Variants in TMEM184A observed in about 807,000 individuals in gnomAD.
TMEM184A encodes the protein transmembrane protein 184A, also known as sexually dimorphic, expressed in male gonads 1.
In TMEM184A, 40 loss-of-function variants were observed where a neutral mutation model predicts 39.5. The ratio of observed to expected loss-of-function variants is 1.01; its 90% confidence interval spans 0.79 to 1.32. The LOEUF (loss-of-function observed/expected upper bound fraction) is 1.32, where lower values mean the gene tolerates loss of function less well. Among genes scored for constraint, TMEM184A ranks in the 40% most tolerant of loss-of-function variants. The pLI, the probability that TMEM184A is intolerant of heterozygous loss-of-function variation, is 0.00. For missense variants in TMEM184A, 603 were observed against 568.8 expected (o/e 1.06, Z -0.61); for synonymous variants, 280 against 252.3 (o/e 1.11, Z -1.04).
chr7:1,550,125 G>A lies in TMEM184A; in HGVS notation c.550C>T (p.Gln184Ter). 6.2e-7 allele frequency: 1 copy of A among 1,602,284 alleles called. No individual in the cohort carries two copies. Among genetic ancestry groups the A allele is most frequent in the Non-Finnish European group, 8.5e-7 (1 of 1,175,446 alleles). Residue 184 changes from glutamine to a stop codon, truncating the protein, a stop_gained and splice_region_variant, in exon 5 of 9, where the codon CAG becomes TAG. Coordinates refer to ENST00000297477, the MANE Select transcript of TMEM184A (RefSeq NM_001097620.2). LOFTEE classifies it high-confidence loss of function. ...YSIGFLRFCKQATLQFCLVKP... is the reference protein window; with the variant it reads ...YSIGFLRFCK ...GGCAGGGCTGGGTGGCCCCTCACCTGCTTACAGAAGCGCAGGAACCCGATG... is the reference window on the plus strand; with the variant it reads ...GGCAGGGCTGGGTGGCCCCTCACCTACTTACAGAAGCGCAGGAACCCGATG...
chr7:1,549,200 C>T (rs1021164721), intron 6 of TMEM184A: 19 of 456,266 alleles, frequency 4.2e-5, no homozygotes, highest in African/African-American at 1.8e-4. Context: ...GCACGGTTTG[C>T]GCATGTGCTG....
In TMEM184A at chr7:1,555,197, G is replaced by C; in HGVS notation, c.219+69C>G. On this transcript the variant is annotated intron_variant, in intron 2 of 8. Transcript: ENST00000297477. This position sits in a 1 kb window ranked among gnomAD's most constrained non-coding sequence, Gnocchi z 5.2. ...TATAGCAGCGGCACCCAGGGGGACC[G>C]GGCTGAGCCACGGCCACGTCCTGTG... The C allele has an allele frequency of 7.4e-7, 1 of 1,346,104 alleles. No homozygotes were observed. Among genetic ancestry groups the C allele is most frequent in the South Asian group, 1.4e-5 (1 of 70,538 alleles). The allele number at this position is 1,346,104 out of a possible 1,614,324, so 83.4% of individuals were successfully genotyped here. A position where few individuals can be genotyped will look rare whatever the true frequency, so the allele number is the denominator to read the frequency against.
intron 5 of TMEM184A, 63 bp from the exon 6 acceptor site, chr7:1,550,008 T>G: frequency 6.6e-7 from 1 of 1,506,226 alleles, no homozygotes; most frequent in Middle Eastern, 1.8e-4. Context: ...GAATGGGGAT[T>G]GGGGCAGCCA....
In TMEM184A at chr7:1,547,135, T is replaced by G; in HGVS notation, c.1059A>C (p.Thr353=). The change falls in exon 9 of 9, where the codon ACA becomes ACC. Residue 353 remains threonine (T), a synonymous_variant. Transcript: ENST00000297477. Reference sequence around the variant, plus strand: ...CCTGCACGATGTCCTGGGGGCTCACTGTCTCCCTGATGCCGCTGGAGATGC... The same window carrying G: ...CCTGCACGATGTCCTGGGGGCTCACGGTCTCCCTGATGCCGCTGGAGATGC... ...MQSISSGIRE[T]VSPQDIVQDA... 1 of 1,609,052 alleles carries G rather than the reference T, an allele frequency of 6.2e-7. No homozygotes were observed. Among genetic ancestry groups the G allele is most frequent in the Non-Finnish European group, 8.5e-7 (1 of 1,179,454 alleles).
Position 1,548,550 on chromosome 7 carries a change from G to T in TMEM184A, c.783C>A (p.Ile261=). The T allele has an allele frequency of 6.2e-7, 1 of 1,613,690 alleles. No homozygotes were observed. The highest frequency in any genetic ancestry group is 8.5e-7 in the Non-Finnish European group (1 of 1,179,936). ...PFQPVLKFLT[I]KAVIFLSFWQ... The stretch of plus-strand genomic sequence containing the variant: ...AGAACGACAGGAAGATGACGGCTTT[G>T]ATGGTGAGGAACTTGAGGACGGGCT... The change falls in exon 7 of 9, where the codon ATC becomes ATA. Residue 261 remains isoleucine (I), a synonymous_variant. Coordinates refer to ENST00000297477, the MANE Select transcript of TMEM184A (RefSeq NM_001097620.2).
In TMEM184A at chr7:1,546,864, T is replaced by C; in HGVS notation, c.*88A>G. 1.1e-6 allele frequency: 1 copy of C among 897,732 alleles called. No homozygotes were observed. 55.6% of individuals were successfully genotyped at this position (897,732 alleles called of 1,614,324 possible). ...GGGCTCTCAGGAGAGGCCCCACCTT[T>C]GGCAGGAGTTGGTGGGTGGGGGGAC... On this transcript the variant is annotated 3_prime_UTR_variant, in exon 9 of 9. Transcript: ENST00000297477.
chr7:1,544,005 G>A lies in TMEM184A; in HGVS notation c.*2947C>T, dbSNP rs1454952538. On this transcript the variant is annotated 3_prime_UTR_variant, in exon 9 of 9. Coordinates refer to ENST00000297477, the MANE Select transcript of TMEM184A (RefSeq NM_001097620.2). ...TTCCCAGCCTTGCTTCCTGTGAGTT[G>A]GGTGTGGAGGTGAGTGTGCAACAGC... is the stretch of plus-strand genomic sequence containing the variant. The A allele has an allele frequency of 1.3e-5, 2 of 152,332 alleles. No homozygotes were observed. The highest frequency in any genetic ancestry group is 1.5e-5 in the Non-Finnish European group (1 of 68,098). 9.4% of individuals were successfully genotyped at this position (152,332 alleles called of 1,614,324 possible).
In TMEM184A at chr7:1,550,053, C is replaced by T. The variant is rs1253651256; in HGVS notation, c.552+70G>A. ...AGCCCCCTGACACTGGGTGGGGTGG[C>T]GCTGGGCCGGCTAGGGCCCCTGACG... On this transcript the variant is annotated intron_variant, in intron 5 of 8. Coordinates refer to ENST00000297477, the MANE Select transcript of TMEM184A (RefSeq NM_001097620.2). The T allele has an allele frequency of 7.0e-5, 96 of 1,367,824 alleles. 2 individuals carry two copies. In the East Asian group the frequency reaches 1.1e-3, roughly 16 times the overall value. The allele number at this position is 1,367,824 out of a possible 1,614,324, so 84.7% of individuals were successfully genotyped here. A position where few individuals can be genotyped will look rare whatever the true frequency, so the allele number is the denominator to read the frequency against.
In TMEM184A at chr7:1,546,959, T is replaced by C. The variant is rs1217845976; in HGVS notation, c.1235A>G (p.Asp412Gly). The change falls in exon 9 of 9, where the codon GAC becomes GGC. Residue 412 changes from aspartate (D) to glycine (G), a missense_variant. Physicochemically the swap from Asp to Gly is moderately conservative, Grantham distance 94. Transcript: ENST00000297477. ...CTGGCAGCCCAGGCCCCCCTACAGG[T>C]CCTCCGAGGGGATCAGCATCCGCTT... Reference protein sequence around the residue: ...LEKRMLIPSEDL With the variant: ...LEKRMLIPSEGL The C allele has an allele frequency of 3.8e-6, 6 of 1,571,030 alleles. No homozygotes were observed. In the African/African-American group the frequency reaches 8.1e-5, roughly 21 times the overall value.
chr7:1,555,638 A>G lies in TMEM184A; in HGVS notation c.1-154T>C. 2 of 683,776 alleles carry G rather than the reference A, an allele frequency of 2.9e-6. No homozygotes were observed. The highest frequency in any genetic ancestry group is 5.2e-6 in the Non-Finnish European group (2 of 384,606). The allele number at this position is 683,776 out of a possible 1,614,324, so 42.4% of individuals were successfully genotyped here. A position where few individuals can be genotyped will look rare whatever the true frequency, so the allele number is the denominator to read the frequency against. On this transcript the variant is annotated intron_variant, in intron 1 of 8. Transcript: ENST00000297477. This position sits in a 1 kb window ranked among gnomAD's most constrained non-coding sequence, Gnocchi z 5.2. ...CACCCCCCACACGGACACCAGCGCC[A>G]GGCCCGGCTCCCTCCCTGCTCCGAG... is the stretch of plus-strand genomic sequence containing the variant.
rs1167868218 is a variant in TMEM184A at position 1,547,794 on chromosome 7, C to T, written c.960G>A (p.Leu320=). Residue 320 remains leucine (L), a synonymous_variant, in exon 8 of 9, where the codon CTG becomes CTA. Transcript: ENST00000297477. ...CVEMLFASVA[L]RYAFPCQVYA... is the part of the protein sequence containing the mutation. Reference sequence around the variant, plus strand: ...ACACCTGGCAGGGGAAGGCATAACGCAGGGCCACGGAGGCGAACAGCATCT... The same window carrying T: ...ACACCTGGCAGGGGAAGGCATAACGTAGGGCCACGGAGGCGAACAGCATCT... The T allele has an allele frequency of 1.2e-6, 2 of 1,612,922 alleles. No homozygotes were observed. The highest frequency in any genetic ancestry group is 2.7e-5 in the African/African-American group (2 of 74,930).
chr7:1,548,680 C>A lies in TMEM184A; in HGVS notation c.653G>T (p.Ser218Ile). ...KYHDGDFNVR[S>I]GYLYVTLIYN... ...GATGAGGGTCACATAGAGGTAGCCG[C>A]TGCGGACACTAGGACAGACGGGGGC... is the stretch of plus-strand genomic sequence containing the variant. Residue 218 changes from serine (S) to isoleucine (I), a missense_variant, in exon 7 of 9, where the codon AGC (serine) becomes ATC (isoleucine). Transcript: ENST00000297477. The A allele has an allele frequency of 6.2e-7, 1 of 1,613,538 alleles. No homozygotes were observed. The highest frequency in any genetic ancestry group is 8.5e-7 in the Non-Finnish European group (1 of 1,179,912).
rs1784290457 is a variant in TMEM184A, at chr7:1,544,745, C to T, written c.*2207G>A. On this transcript the variant is annotated 3_prime_UTR_variant, in exon 9 of 9. Coordinates refer to ENST00000297477, the MANE Select transcript of TMEM184A (RefSeq NM_001097620.2). ...AGGAGGCAGGGAGGAGAGAGGGCCT[C>T]TGTGGAGCCGGCTGCCTGGTGTCCA... The T allele has an allele frequency of 6.6e-6, 1 of 152,278 alleles. No individual in the cohort carries two copies. Among genetic ancestry groups the T allele is most frequent in the African/African-American group, 2.4e-5 (1 of 41,454 alleles). 9.4% of individuals were successfully genotyped at this position (152,278 alleles called of 1,614,324 possible). A position where few individuals can be genotyped will look rare whatever the true frequency, so the allele number is the denominator to read the frequency against.
At position 1,547,072 on chromosome 7, in the gene TMEM184A, G is replaced by A. The variant is rs1173209003; in HGVS notation, c.1122C>T (p.Tyr374=). ...GCGCCTCGTGCGTGGCCTGCTGCGT[G>A]TAGTGCTGGTAGGCGGGGGAGAAGT... is the stretch of plus-strand genomic sequence containing the variant. The part of the protein sequence containing the change: ...IHNFSPAYQH[Y]TQQATHEAPR... The change falls in exon 9 of 9, where the codon TAC becomes TAT. Residue 374 remains tyrosine (Y), a synonymous_variant. Coordinates refer to ENST00000297477, the MANE Select transcript of TMEM184A (RefSeq NM_001097620.2). 6.2e-7 allele frequency: 1 copy of A among 1,610,088 alleles called. No individual in the cohort carries two copies. Among genetic ancestry groups the A allele is most frequent in the South Asian group, 1.1e-5 (1 of 91,042 alleles).
chr7:1,546,624 C>A lies in TMEM184A; in HGVS notation c.*328G>T. The stretch of plus-strand genomic sequence containing the variant: ...ACTCACAGCTCCCATGGGGTCCGTG[C>A]AGCCAAGGCCCCGCAGCCACACTCA... On this transcript the variant is annotated 3_prime_UTR_variant, in exon 9 of 9. Coordinates refer to ENST00000297477, the MANE Select transcript of TMEM184A (RefSeq NM_001097620.2). The A allele has an allele frequency of 3.5e-6, 1 of 286,752 alleles. No homozygotes were observed. Among genetic ancestry groups the A allele is most frequent in the Non-Finnish European group, 6.5e-6 (1 of 154,482 alleles). 17.8% of individuals were successfully genotyped at this position (286,752 alleles called of 1,614,324 possible). A position where few individuals can be genotyped will look rare whatever the true frequency, so the allele number is the denominator to read the frequency against.
chr7:1,552,272 C>T (rs184020303), intron 2 of TMEM184A, among the ~76,000 whole-genome samples: 1 of 152,132 alleles, frequency 6.6e-6, no homozygotes, highest in East Asian at 1.9e-4. Context: ...GCCACTGCAC[C>T]TGGCCTAAAA....
intron 7 of TMEM184A, 140 bp downstream of exon 7, chr7:1,548,379 C>T (rs1583214772): frequency 9.6e-7 from 1 of 1,046,290 alleles, no homozygotes; most frequent in Non-Finnish European, 1.4e-6. Flanking sequence ...CAGGTTCTAC[C>T]CTGGCTTCCA....
At position 1,544,619 on chromosome 7, in the gene TMEM184A, C is replaced by A. The variant is rs1784286379; in HGVS notation, c.*2333G>T. 6.6e-6 allele frequency: 1 copy of A among 152,378 alleles called. No homozygotes were observed. Among genetic ancestry groups the A allele is most frequent in the African/African-American group, 2.4e-5 (1 of 41,478 alleles). 9.4% of individuals were successfully genotyped at this position (152,378 alleles called of 1,614,324 possible). A position where few individuals can be genotyped will look rare whatever the true frequency, so the allele number is the denominator to read the frequency against. On this transcript the variant is annotated 3_prime_UTR_variant, in exon 9 of 9. Coordinates refer to ENST00000297477, the MANE Select transcript of TMEM184A (RefSeq NM_001097620.2). ...GGCCTGGACCGCCCCACGCTGCCTT[C>A]CGTCCACGCAGAGCGGGCTCGGCCC...
chr7:1,550,681 G>A, intron 3 of TMEM184A, 136 bp downstream of exon 3: 1 of 1,177,062 alleles, frequency 8.5e-7, no homozygotes. Flanking sequence ...CGCTAACCCT[G>A]ACTATCCTGG....
Sources: gnomAD v4.1 joint callset for allele counts (sites outside exome capture counted in the v4.1 genomes callset) on GRCh38, gnomAD v4.1.1 for gene constraint, Gnocchi (gnomAD v3.1) non-coding constraint, MANE v1.5 for transcripts, NCBI Gene and HGNC (gene_info 2026-07-23, HGNC 2026-07-21) for gene names.